Variants in PLCB4 observed in about 807,000 individuals in gnomAD.
PLCB4 encodes the protein phospholipase C beta 4.
Under a neutral mutation model 178.8 loss-of-function variants are expected in PLCB4, and 77 were observed. The ratio of observed to expected loss-of-function variants is 0.43; its 90% CI spans 0.36 to 0.52. The LOEUF (loss-of-function observed/expected upper bound fraction) is 0.52, where lower values mean the gene tolerates loss of function less well. Among genes scored for constraint, PLCB4 ranks in the 20% least tolerant of loss-of-function variants. The probability of loss-of-function intolerance (pLI) is 0.00; values close to 1 mark genes in which losing one functional copy is unlikely to be tolerated. For missense variants in PLCB4, 1,024 were observed against 1,453.4 expected (o/e 0.70, Z 4.80); for synonymous variants, 496 against 490.8 (o/e 1.01, Z -0.14).
intron 39 of PLCB4, 113 bp downstream of exon 39, chr20:9,476,866 G>C: frequency 1.4e-6 from 1 of 706,216 alleles, no homozygotes; most frequent in Middle Eastern, 2.4e-4. Context: ...TATCTGAAGG[G>C]TTTGGATTTA....
At chr20:9,477,840 A>G (rs2122741646) in intron 39 of PLCB4, among the ~76,000 whole-genome samples, 1 of 152,272 alleles carries the variant, frequency 6.6e-6, no homozygotes, top group Non-Finnish European at 1.5e-5. Flanking sequence ...ACAAGAATTC[A>G]TTTGGAAGAT....
At chr20:9,107,290 G>C (rs2091402240) in intron 2 of PLCB4, among the ~76,000 whole-genome samples, 1 of 152,170 alleles carries the variant, frequency 6.6e-6, no homozygotes, top group South Asian at 2.1e-4. Context: ...AAAAATCTCA[G>C]CTTGCAGCTT....
At chr20:9,112,358 G>A (rs934179851) in intron 2 of PLCB4, among the ~76,000 whole-genome samples, 1 of 151,208 alleles carries the variant, frequency 6.6e-6, no homozygotes, top group African/African-American at 2.4e-5. Flanking sequence ...GGGTTCAAGT[G>A]GTTCTCCTGC....
At chr20:9,209,922 C>T (rs955853525) in intron 2 of PLCB4, among the ~76,000 whole-genome samples, 1 of 145,190 alleles carries the variant, frequency 6.9e-6, no homozygotes, top group Non-Finnish European at 1.5e-5. Flanking sequence ...CGAGATCGAG[C>T]CACTGAACTC....
chr20:9,364,958 A>T (rs916467667), intron 8 of PLCB4, among the ~76,000 whole-genome samples: 1 of 151,814 alleles, frequency 6.6e-6, no homozygotes, highest in African/African-American at 2.4e-5. Context: ...GCTGGGAGTG[A>T]TGAGTCCTCA....
In PLCB4 at chr20:9,423,712, T is replaced by C. The variant is rs371090717; in HGVS notation, c.2320-36T>C. On this transcript the variant is annotated intron_variant, in intron 27 of 39. Transcript: ENST00000378473. ...AGAGTCATGGTTCTTGGGCGCTGCA[T>C]TGGAAAAATCAGTGAAAGTCCTGTT... 1.0e-5 allele frequency: 16 copies of C among 1,551,196 alleles called. No homozygotes were observed. The African/African-American group carries it at 1.4e-4, about 13-fold the overall frequency.
chr20:9,158,017 C>T (rs115228686), intron 2 of PLCB4, among the ~76,000 whole-genome samples: 27 of 152,288 alleles, frequency 1.8e-4, no homozygotes, highest in African/African-American at 6.3e-4. Flanking sequence ...TTTATCTTCA[C>T]GATAACCCTT....
At chr20:9,376,319 A>T (rs2036667881) in intron 12 of PLCB4, among the ~76,000 whole-genome samples, 1 of 152,164 alleles carries the variant, frequency 6.6e-6, no homozygotes, top group Non-Finnish European at 1.5e-5. Context: ...TCAAGTTTGT[A>T]AAGCACCATC....
chr20:9,409,386 G>T lies in PLCB4; in HGVS notation c.1999+205G>T, dbSNP rs1458450603. Reference sequence around the variant, plus strand: ...ACAATGGTAGAAGATAATGTGTTGTGATTGGAATTTAATTCCTTTCATAAA... The same window carrying T: ...ACAATGGTAGAAGATAATGTGTTGTTATTGGAATTTAATTCCTTTCATAAA... On this transcript the variant is annotated intron_variant, in intron 24 of 39. Transcript: ENST00000378473. Among the ~76,000 whole-genome samples, 4 of 151,246 alleles carry T rather than the reference G, an allele frequency of 2.6e-5. No individual in the cohort carries two copies. In the East Asian group the frequency reaches 5.8e-4, roughly 22 times the overall value.
intron 3 of PLCB4, among the ~76,000 whole-genome samples, chr20:9,264,910 C>A (rs547937442): frequency 6.6e-6 from 1 of 152,204 alleles, no homozygotes; most frequent in East Asian, 1.9e-4. Flanking sequence ...GACCGTTTAC[C>A]AAACAGGTGT....
intron 2 of PLCB4, among the ~76,000 whole-genome samples, chr20:9,159,398 T>C (rs1309334879): frequency 6.6e-6 from 1 of 152,198 alleles, no homozygotes; most frequent in African/African-American, 2.4e-5. Context: ...AGGATTATTA[T>C]ATATTGATTA....
intron 2 of PLCB4, among the ~76,000 whole-genome samples, chr20:9,195,884 G>C (rs2093465675): frequency 6.6e-6 from 1 of 152,046 alleles, no homozygotes; most frequent in South Asian, 2.1e-4. Flanking sequence ...GATTCATCTT[G>C]CCTAACTGTG....
intron 28 of PLCB4, among the ~76,000 whole-genome samples, chr20:9,433,999 G>A (rs2041599848): frequency 6.6e-6 from 1 of 152,042 alleles, no homozygotes; most frequent in Admixed American, 6.5e-5. Context: ...TATATGTAGA[G>A]GTATGCTACG....
At chr20:9,257,492 G>A (rs964791417) in intron 3 of PLCB4, among the ~76,000 whole-genome samples, 4 of 152,064 alleles carry the variant, frequency 2.6e-5, no homozygotes, top group South Asian at 2.1e-4. Flanking sequence ...AATAATGTAC[G>A]ATAGACCCTC....
rs144178108 is a variant in PLCB4 at position 9,224,923 on chromosome 20, G to A, written c.-16+7471G>A. Among the ~76,000 whole-genome samples, 8 of 152,282 alleles carry A rather than the reference G, an allele frequency of 5.3e-5. No homozygotes were observed. The East Asian group carries it at 1.5e-3, about 29-fold the overall frequency. ...CTCAACATGGGCTCTGAAACTAGGT[G>A]CATAGTGAGCATTGACTTGCTTTCT... On this transcript the variant is annotated intron_variant, in intron 3 of 39. Transcript: ENST00000378473.
At chr20:9,399,358 G>C (rs972948088) in intron 19 of PLCB4, among the ~76,000 whole-genome samples, 1 of 152,180 alleles carries the variant, frequency 6.6e-6, no homozygotes, top group African/African-American at 2.4e-5. Context: ...GTAATACTTG[G>C]CTTTGGTTCT....
rs551775260 is a variant in PLCB4 at position 9,386,473 on chromosome 20, A to G, written c.1065-990A>G. On this transcript the variant is annotated intron_variant, in intron 14 of 39. Coordinates refer to ENST00000378473, the MANE Select transcript of PLCB4 (RefSeq NM_001377142.1). ...TTTTTTCTTGGTTATAAATTAAACA[A>G]TACTTTATTTTTTTAATTCATTTTT... 1.1e-3 allele frequency among the ~76,000 whole-genome samples: 164 copies of G among 152,200 alleles called. No individual in the cohort carries two copies. The Middle Eastern group carries it at 0.014, about 13-fold the overall frequency.
At chr20:9,324,558 G>T (rs1321421705) in intron 4 of PLCB4, among the ~76,000 whole-genome samples, 1 of 152,154 alleles carries the variant, frequency 6.6e-6, no homozygotes, top group Non-Finnish European at 1.5e-5. Context: ...TGTCTTGGGG[G>T]TTTGTTTCTA....
chr20:9,153,820 T>C (rs907326839), intron 2 of PLCB4, among the ~76,000 whole-genome samples: 1 of 152,184 alleles, frequency 6.6e-6, no homozygotes, highest in African/African-American at 2.4e-5. Flanking sequence ...CATCAGGAAA[T>C]GATTATTATA....
Sources: allele counts gnomAD v4.1 joint callset (sites outside exome capture counted in the v4.1 genomes callset), GRCh38; gene constraint gnomAD v4.1.1; transcripts MANE v1.5; gene names NCBI Gene and HGNC (gene_info 2026-07-23, HGNC 2026-07-21).